The following PLXDC2 variants were observed in gnomAD, a reference collection of about 807,000 sequenced individuals.
PLXDC2 encodes plexin domain-containing protein 2.
PLXDC2 carries 40 observed loss-of-function variants against 68.9 expected under a neutral mutation model. That is an observed-to-expected ratio of 0.58 (90% CI 0.45 to 0.76). PLXDC2 has a LOEUF of 0.76. Among genes scored for constraint, PLXDC2 ranks in the 30% least tolerant of loss-of-function variants. PLXDC2 has a pLI of 0.00. For missense variants in PLXDC2, 644 were observed against 661.9 expected (o/e 0.97, Z 0.30); for synonymous variants, 243 against 234.2 (o/e 1.04, Z -0.34).
intron 1 of PLXDC2, among the ~76,000 whole-genome samples, chr10:19,981,679 T>G (rs1282614794): frequency 6.6e-6 from 1 of 152,230 alleles, no homozygotes; most frequent in Non-Finnish European, 1.5e-5. Context: ...AATCTTATTT[T>G]TTAGTGGTGG....
intron 1 of PLXDC2, among the ~76,000 whole-genome samples, chr10:19,975,547 C>T (rs1834441685): frequency 6.6e-6 from 1 of 152,122 alleles, no homozygotes; most frequent in Admixed American, 6.5e-5. Flanking sequence ...GCCCCTGTCA[C>T]ACACCATCCC....
intron 1 of PLXDC2, among the ~76,000 whole-genome samples, chr10:19,931,002 G>C (rs976069091): frequency 2.0e-5 from 3 of 152,144 alleles, no homozygotes; most frequent in Non-Finnish European, 4.4e-5. Flanking sequence ...AAAGTGGAGA[G>C]AAAGAAAGAT....
At chr10:19,966,250 G>C (rs1051082353) in intron 1 of PLXDC2, among the ~76,000 whole-genome samples, 3 of 120,916 alleles carry the variant, frequency 2.5e-5, no homozygotes, top group Non-Finnish European at 5.0e-5. Flanking sequence ...TTAGATATGT[G>C]TATATAGTAT....
intron 1 of PLXDC2, among the ~76,000 whole-genome samples, chr10:19,852,668 A>G (rs1409636202): frequency 6.6e-6 from 1 of 152,134 alleles, no homozygotes; most frequent in Non-Finnish European, 1.5e-5. Context: ...ATGGATAATC[A>G]CATCAAAACA....
At chr10:19,932,120 C>T (rs1252581446) in intron 1 of PLXDC2, among the ~76,000 whole-genome samples, 2 of 152,152 alleles carry the variant, frequency 1.3e-5, no homozygotes, top group Non-Finnish European at 2.9e-5. Context: ...AACATCCCTT[C>T]CTGCATTGTT....
At chr10:19,920,998 G>C (rs1289623233) in intron 1 of PLXDC2, among the ~76,000 whole-genome samples, 1 of 151,766 alleles carries the variant, frequency 6.6e-6, no homozygotes, top group Non-Finnish European at 1.5e-5. Context: ...CATGATCATA[G>C]CTCACTGAAG....
chr10:20,186,570 C>T (rs1295775247), intron 9 of PLXDC2, among the ~76,000 whole-genome samples: 1 of 151,922 alleles, frequency 6.6e-6, no homozygotes, highest in African/African-American at 2.4e-5. Context: ...TCCTCCCACC[C>T]TCCGCCCTCT....
At chr10:19,977,746 G>A (rs1365433269) in intron 1 of PLXDC2, among the ~76,000 whole-genome samples, 1 of 152,006 alleles carries the variant, frequency 6.6e-6, no homozygotes, top group Non-Finnish European at 1.5e-5. Flanking sequence ...AGAGGGGGTG[G>A]GGTGGGGAAA....
intron 6 of PLXDC2, among the ~76,000 whole-genome samples, chr10:20,155,794 G>A (rs550387734): frequency 1.3e-5 from 2 of 152,204 alleles, no homozygotes; most frequent in African/African-American, 4.8e-5. Flanking sequence ...TGTTCTGATG[G>A]CAAATGCTGT....
chr10:20,107,513 C>CT (rs1469732205), intron 4 of PLXDC2, among the ~76,000 whole-genome samples: 1 of 152,038 alleles, frequency 6.6e-6, no homozygotes, highest in Non-Finnish European at 1.5e-5. Context: ...ACCTAAAGTT[C>CT]TTTTTTTGTT....
chr10:19,917,696 C>T (rs1326237), intron 1 of PLXDC2, among the ~76,000 whole-genome samples: 70,511 of 151,946 alleles, frequency 0.46, 18,055 homozygotes, highest in South Asian at 0.74. Flanking sequence ...CTCTTAGAGA[C>T]CTTTAATTCT....
chr10:20,181,614 C>A (rs1345257056), intron 9 of PLXDC2, among the ~76,000 whole-genome samples: 1 of 151,910 alleles, frequency 6.6e-6, no homozygotes, highest in African/African-American at 2.4e-5. Context: ...TTTGAATGGC[C>A]CACGCACTGG....
chr10:19,907,633 G>T (rs1003981572), intron 1 of PLXDC2, among the ~76,000 whole-genome samples: 1 of 152,150 alleles, frequency 6.6e-6, no homozygotes, highest in Non-Finnish European at 1.5e-5. Context: ...TAAATCTGTG[G>T]CTAAATCAGC....
chr10:19,982,377 T>G (rs905410870), intron 1 of PLXDC2, among the ~76,000 whole-genome samples: 1 of 152,198 alleles, frequency 6.6e-6, no homozygotes, highest in Non-Finnish European at 1.5e-5. Flanking sequence ...TATTGCAGTA[T>G]CCTCCGTCAA....
intron 1 of PLXDC2, among the ~76,000 whole-genome samples, chr10:19,824,324 G>A (rs1836533153): frequency 6.6e-6 from 1 of 152,152 alleles, no homozygotes; most frequent in African/African-American, 2.4e-5. Flanking sequence ...GCCTACATTT[G>A]TGTGCTAGCT....
intron 13 of PLXDC2, among the ~76,000 whole-genome samples, chr10:20,259,959 G>T (rs1393069800): frequency 2.0e-5 from 3 of 152,130 alleles, no homozygotes; most frequent in African/African-American, 7.2e-5. Context: ...TCCTATAAAA[G>T]CTGGGGAAGG....
chr10:20,166,722 C>T (rs1834379825), intron 7 of PLXDC2, among the ~76,000 whole-genome samples: 1 of 151,952 alleles, frequency 6.6e-6, no homozygotes, highest in East Asian at 1.9e-4. Context: ...AAACACCAAC[C>T]AAAATACAAA....
intron 1 of PLXDC2, among the ~76,000 whole-genome samples, chr10:19,829,621 C>T (rs1301713440): frequency 1.3e-5 from 2 of 151,860 alleles, no homozygotes; most frequent in Non-Finnish European, 2.9e-5. Flanking sequence ...CCCAGCTACT[C>T]GGAGGCTGTG....
At position 20,041,570 on chromosome 10, in the gene PLXDC2, T is replaced by G. The variant is rs186950272; in HGVS notation, c.325-5299T>G. ...CAAGTCTTAATCTCAGAAAAATATTTTTCTAATATATCTTTAATTGTTTTC... is the reference window on the plus strand; with the variant it reads ...CAAGTCTTAATCTCAGAAAAATATTGTTCTAATATATCTTTAATTGTTTTC... On this transcript the variant is annotated intron_variant, in intron 2 of 13. Transcript: ENST00000377252. Among the ~76,000 whole-genome samples the G allele has an allele frequency of 3.9e-5, 6 of 152,304 alleles. No individual in the cohort carries two copies. In the East Asian group the frequency reaches 1.2e-3, roughly 29 times the overall value.
Sources: allele counts gnomAD v4.1 joint callset (sites outside exome capture counted in the v4.1 genomes callset), GRCh38; gene constraint gnomAD v4.1.1; transcripts MANE v1.5; gene names NCBI Gene and HGNC (gene_info 2026-07-23, HGNC 2026-07-21).